SPAG16: variants seen among roughly 807,000 people sequenced by gnomAD.
SPAG16 encodes sperm associated antigen 16, also known as sperm-associated antigen 16 protein.
Under a neutral mutation model 80.4 loss-of-function variants are expected in SPAG16, and 86 were observed. That is an observed-to-expected ratio of 1.07 (90% CI 0.90 to 1.28). SPAG16 has a LOEUF of 1.28. Ranked by LOEUF, SPAG16 falls within the 50% of genes most tolerant of loss-of-function variation. The pLI is 0.00. For synonymous variants in SPAG16, 294 were observed against 265.9 expected (o/e 1.11, Z -1.03); for missense variants, 870 against 765.3 (o/e 1.14, Z -1.61).
At chr2:214,251,856 A>G (rs1416944122) in intron 15 of SPAG16, among the ~76,000 whole-genome samples, 1 of 152,144 alleles carries the variant, frequency 6.6e-6, no homozygotes, top group Non-Finnish European at 1.5e-5. Flanking sequence ...AGCCAAGGGG[A>G]TGTTTATTTC....
At chr2:214,387,797 A>G (rs894674915) in intron 15 of SPAG16, among the ~76,000 whole-genome samples, 1 of 152,158 alleles carries the variant, frequency 6.6e-6, no homozygotes, top group Non-Finnish European at 1.5e-5. Context: ...ATCGGCTCTC[A>G]TGAGAACTAA....
chr2:213,738,940 A>T (rs189508717), intron 10 of SPAG16, among the ~76,000 whole-genome samples: 6 of 152,312 alleles, frequency 3.9e-5, no homozygotes, highest in Non-Finnish European at 5.9e-5. Context: ...ACAGAGAGTG[A>T]CTGTTCTGCT....
intron 15 of SPAG16, among the ~76,000 whole-genome samples, chr2:214,354,338 G>A (rs925112862): frequency 3.3e-5 from 5 of 152,066 alleles, no homozygotes; most frequent in Non-Finnish European, 5.9e-5. Flanking sequence ...TGAGGGCTCT[G>A]TTCTGTTCCA....
intron 13 of SPAG16, among the ~76,000 whole-genome samples, chr2:214,047,328 C>A (rs2049382447): frequency 6.6e-6 from 1 of 152,112 alleles, no homozygotes; most frequent in African/African-American, 2.4e-5. Context: ...CAGCATGATA[C>A]TGGCATAAAA....
At chr2:213,499,620 T>A (rs2074649336) in intron 10 of SPAG16, among the ~76,000 whole-genome samples, 1 of 152,144 alleles carries the variant, frequency 6.6e-6, no homozygotes, top group African/African-American at 2.4e-5. Flanking sequence ...GTCAAGAAAT[T>A]TATATGAATG....
chr2:213,431,898 G>A (rs1336587573), intron 9 of SPAG16, among the ~76,000 whole-genome samples: 2 of 152,102 alleles, frequency 1.3e-5, no homozygotes, highest in South Asian at 2.1e-4. Flanking sequence ...TTTATCAAGT[G>A]TCTTCTCTAA....
intron 10 of SPAG16, among the ~76,000 whole-genome samples, chr2:213,709,738 C>T (rs2065904591): frequency 6.6e-6 from 1 of 152,076 alleles, no homozygotes; most frequent in African/African-American, 2.4e-5. Context: ...ATGCCCCATC[C>T]TCCAGTCCCT....
chr2:213,852,988 C>A (rs917351798), intron 10 of SPAG16, among the ~76,000 whole-genome samples: 2 of 152,184 alleles, frequency 1.3e-5, no homozygotes, highest in African/African-American at 4.8e-5. Flanking sequence ...TTTGTTCTGG[C>A]AACCTGAATA....
chr2:214,400,855 G>A (rs2126144548), intron 15 of SPAG16, among the ~76,000 whole-genome samples: 1 of 152,004 alleles, frequency 6.6e-6, no homozygotes, highest in Non-Finnish European at 1.5e-5. Context: ...TACCATTTTT[G>A]TGATATGAAC....
At chr2:213,636,981 C>A (rs2062386476) in intron 10 of SPAG16, among the ~76,000 whole-genome samples, 1 of 152,142 alleles carries the variant, frequency 6.6e-6, no homozygotes, top group African/African-American at 2.4e-5. Context: ...CCAGGACTTC[C>A]AGTACTATGT....
chr2:213,953,731 G>C (rs746000473), intron 12 of SPAG16, among the ~76,000 whole-genome samples: 1 of 151,754 alleles, frequency 6.6e-6, no homozygotes, highest in Non-Finnish European at 1.5e-5. Context: ...GTTTAAGAAG[G>C]AAGAAATTAT....
intron 9 of SPAG16, among the ~76,000 whole-genome samples, chr2:213,426,032 A>T (rs1262111265): frequency 6.6e-6 from 1 of 152,162 alleles, no homozygotes; most frequent in African/African-American, 2.4e-5. Context: ...AATATTTGCT[A>T]TTATTATTTT....
At chr2:213,802,397 CTATCTATCT>C (rs2071467855) in intron 10 of SPAG16, among the ~76,000 whole-genome samples, 2 of 67,784 alleles carry the variant, frequency 3.0e-5, no homozygotes, top group African/African-American at 9.5e-5. Flanking sequence ...ATTCATGTCT[CTATCTATCT>C]ATCTATCTAT....
intron 10 of SPAG16, among the ~76,000 whole-genome samples, chr2:213,520,509 G>A (rs1330221975): frequency 6.6e-6 from 1 of 152,110 alleles, no homozygotes; most frequent in Non-Finnish European, 1.5e-5. Flanking sequence ...CAGGAGAATG[G>A]TGTGAACCTG....
At chr2:213,298,717 C>G (rs1216527796) in intron 3 of SPAG16, among the ~76,000 whole-genome samples, 1 of 152,158 alleles carries the variant, frequency 6.6e-6, no homozygotes, top group Non-Finnish European at 1.5e-5. Context: ...TCTACTGAGC[C>G]AAATATCAGT....
chr2:213,322,063 T>TC (rs2126150392), intron 5 of SPAG16, among the ~76,000 whole-genome samples: 1 of 149,400 alleles, frequency 6.7e-6, no homozygotes, highest in African/African-American at 2.5e-5. Flanking sequence ...CCCTAAAACT[T>TC]AAAGTATAAT....
intron 15 of SPAG16, among the ~76,000 whole-genome samples, chr2:214,330,659 A>G (rs1353938298): frequency 6.6e-6 from 1 of 152,168 alleles, no homozygotes; most frequent in African/African-American, 2.4e-5. Flanking sequence ...TGACCCCTAC[A>G]TCAACAAGTC....
chr2:214,043,466 T>G (rs1348084937), intron 13 of SPAG16, among the ~76,000 whole-genome samples: 1 of 152,164 alleles, frequency 6.6e-6, no homozygotes, highest in African/African-American at 2.4e-5. Context: ...ATTAATCAAT[T>G]TCAGGCAAGC....
At chr2:213,746,683 T>C (rs2125472470) in intron 10 of SPAG16, among the ~76,000 whole-genome samples, 1 of 152,218 alleles carries the variant, frequency 6.6e-6, no homozygotes, top group East Asian at 1.9e-4. Flanking sequence ...GGTGCGTGCC[T>C]GTAGTCCCAG....
Sources: allele counts gnomAD v4.1 joint callset (sites outside exome capture counted in the v4.1 genomes callset), GRCh38; gene constraint gnomAD v4.1.1; transcripts MANE v1.5; gene names NCBI Gene and HGNC (gene_info 2026-07-23, HGNC 2026-07-21).